ANKMY1: variants seen among roughly 807,000 people sequenced by gnomAD.
ANKMY1 encodes ankyrin repeat and MYND domain containing 1.
ANKMY1 carries 98 observed loss-of-function variants against 102.0 expected under a neutral mutation model. The observed-to-expected ratio is 0.96, with a 90% CI of 0.82 to 1.14. ANKMY1 has a LOEUF of 1.14. Ranked by LOEUF, ANKMY1 falls within the 50% of genes most tolerant of loss-of-function variation. The pLI, the probability that ANKMY1 is intolerant of heterozygous loss-of-function variation, is 0.00. For missense variants in ANKMY1, 1,330 were observed against 1,347.6 expected (o/e 0.99, Z 0.20); for synonymous variants, 582 against 559.9 (o/e 1.04, Z -0.56).
rs201252509 is a variant in ANKMY1, at chr2:240,526,236, G to T, written c.1163C>A (p.Ala388Glu). Reference protein sequence around the residue: ...ADAKGYTVLAAAATHCHNDIV... With the variant: ...ADAKGYTVLAEAATHCHNDIV... ...GGAGGGTGTGGGGCTTACAGCAGCC[G>T]CAGCAAGCACAGTGTAGCCCTTTGC... Residue 388 changes from alanine (A) to glutamate (E), a missense_variant, in exon 6 of 18, where the codon GCG becomes GAG. Transcript: ENST00000401804. 2.5e-6 allele frequency: 4 copies of T among 1,614,010 alleles called. No individual in the cohort carries two copies. The highest frequency in any genetic ancestry group is 3.4e-6 in the Non-Finnish European group (4 of 1,180,010).
Position 240,509,332 on chromosome 2 carries a change from T to A in ANKMY1, c.2394+16A>T. ...ACACATAGGTGCACAGGTCTGTGGG[T>A]ACAGAACATGCTCACCAGCTCATTC... On this transcript the variant is annotated intron_variant, in intron 12 of 17. Transcript: ENST00000401804. 1 of 1,597,312 alleles carries A rather than the reference T, an allele frequency of 6.3e-7. No individual in the cohort carries two copies. The highest frequency in any genetic ancestry group is 8.6e-7 in the Non-Finnish European group (1 of 1,166,666).
chr2:240,490,583 T>C (rs2076532330), intron 15 of ANKMY1, among the ~76,000 whole-genome samples: 1 of 152,212 alleles, frequency 6.6e-6, no homozygotes, highest in African/African-American at 2.4e-5. Flanking sequence ...CATAGTTGTA[T>C]ATATTTGTAT....
At chr2:240,554,751 T>C (rs1409886803) in intron 3 of ANKMY1, 115 bp downstream of exon 3, 14 of 1,252,090 alleles carry the variant, frequency 1.1e-5, no homozygotes, top group Non-Finnish European at 1.5e-5. Flanking sequence ...AACTTTAGCC[T>C]AGCACCCTTC....
chr2:240,479,781 G>C, intron 17 of ANKMY1, 126 bp from the exon 18 acceptor site: 1 of 817,270 alleles, frequency 1.2e-6, no homozygotes, highest in East Asian at 2.4e-5. Context: ...AGCTTTTGCA[G>C]GCAAGGAGTC....
intron 4 of ANKMY1, among the ~76,000 whole-genome samples, chr2:240,538,310 G>A (rs367743173): frequency 1.1e-4 from 16 of 152,236 alleles, no homozygotes; most frequent in Admixed American, 3.3e-4. Flanking sequence ...ATGGGGCTGC[G>A]AGCGGCGCTC....
chr2:240,537,149 G>A (rs954305807), intron 4 of ANKMY1, among the ~76,000 whole-genome samples: 1 of 152,228 alleles, frequency 6.6e-6, no homozygotes, highest in Admixed American at 6.5e-5. Flanking sequence ...ATGAGGCCCA[G>A]AGAGACCAGC....
intron 4 of ANKMY1, among the ~76,000 whole-genome samples, chr2:240,542,293 G>C (rs2089094578): frequency 6.6e-6 from 1 of 151,570 alleles, no homozygotes; most frequent in Non-Finnish European, 1.5e-5. Flanking sequence ...GGGTTACAAG[G>C]TCAGAGTTCA....
intron 9 of ANKMY1, chr2:240,519,865 A>C: frequency 4.0e-6 from 1 of 250,222 alleles, no homozygotes; most frequent in South Asian, 3.7e-5. Flanking sequence ...CCGCTGGGAA[A>C]GGCACTTCTT....
chr2:240,512,725 C>G, intron 10 of ANKMY1, 77 bp downstream of exon 10: 3 of 1,506,886 alleles, frequency 2.0e-6, no homozygotes, highest in Non-Finnish European at 2.7e-6. Context: ...CAAGCACAGG[C>G]TAGGCAGAGT....
chr2:240,549,584 A>C (rs1217286461), intron 4 of ANKMY1, among the ~76,000 whole-genome samples: 2 of 152,204 alleles, frequency 1.3e-5, no homozygotes, highest in Non-Finnish European at 2.9e-5. Context: ...GGCAACCTAC[A>C]AAATGGGAGA....
intron 6 of ANKMY1, 133 bp from the exon 7 acceptor site, chr2:240,525,982 G>T: frequency 1.6e-6 from 2 of 1,212,822 alleles, no homozygotes; most frequent in Non-Finnish European, 2.3e-6. Flanking sequence ...CGGGAGCTTG[G>T]CAAAGGGACA....
intron 3 of ANKMY1, 195 bp from the exon 4 acceptor site, chr2:240,553,252 T>C: frequency 1.6e-6 from 1 of 630,278 alleles, no homozygotes; most frequent in Non-Finnish European, 2.7e-6. Context: ...GCAGTCAGCC[T>C]GATAGCCAGG....
chr2:240,511,653 A>T (rs934218493), intron 11 of ANKMY1, among the ~76,000 whole-genome samples: 3 of 152,216 alleles, frequency 2.0e-5, no homozygotes, highest in African/African-American at 7.2e-5. Context: ...GCCGCCACCC[A>T]GGCCCCGTGC....
the ANKMY1 span, among the ~76,000 whole-genome samples, chr2:240,473,623 A>C: frequency 6.6e-6 from 1 of 152,234 alleles, no homozygotes; most frequent in Non-Finnish European, 1.5e-5. Flanking sequence ...GCTTATTTAA[A>C]GAAACAAAGG....
At chr2:240,527,028 G>T in intron 5 of ANKMY1, 1 of 983,036 alleles carries the variant, frequency 1.0e-6, no homozygotes, top group Non-Finnish European at 1.2e-6. Flanking sequence ...ATGATGGATG[G>T]ATGGATGGTT....
chr2:240,516,943 G>A (rs750754804), intron 9 of ANKMY1, among the ~76,000 whole-genome samples: 11 of 152,178 alleles, frequency 7.2e-5, no homozygotes, highest in Non-Finnish European at 1.3e-4. Flanking sequence ...ATTTTTTGGA[G>A]TCTGGAAAGC....
the ANKMY1 span, among the ~76,000 whole-genome samples, chr2:240,473,123 T>TA: frequency 0.95 from 103,587 of 108,562 alleles, 49,440 homozygotes; most frequent in East Asian, 0.98. Flanking sequence ...AAACTCTGTC[T>TA]AAAAAAAAAA....
downstream of ANKMY1, among the ~76,000 whole-genome samples, chr2:240,476,952 C>A (rs1311763261): frequency 2.0e-5 from 3 of 152,206 alleles, no homozygotes; most frequent in African/African-American, 7.2e-5. Context: ...TATTTGCACA[C>A]AAGGCATAGG....
chr2:240,495,970 T>C (rs1442973960), intron 15 of ANKMY1, among the ~76,000 whole-genome samples: 5 of 152,310 alleles, frequency 3.3e-5, no homozygotes, highest in Non-Finnish European at 7.3e-5. Context: ...ATAATGTACT[T>C]TGAGTGTGAC....
Sources: allele counts gnomAD v4.1 joint callset (sites outside exome capture counted in the v4.1 genomes callset), GRCh38; gene constraint gnomAD v4.1.1; transcripts MANE v1.5; gene names NCBI Gene and HGNC (gene_info 2026-07-23, HGNC 2026-07-21).